The following TMTC4 variants were observed in gnomAD, a reference collection of about 807,000 sequenced individuals.
The protein encoded by TMTC4 is protein O-mannosyl-transferase TMTC4.
TMTC4 carries 65 observed loss-of-function variants against 86.0 expected under a neutral mutation model. The ratio of observed to expected loss-of-function variants is 0.76; its 90% CI spans 0.62 to 0.93. TMTC4 has a LOEUF of 0.93. TMTC4 is among the 40% of genes least tolerant of loss of function. The pLI is 0.00. For synonymous variants in TMTC4, 379 were observed against 382.5 expected, an observed-to-expected ratio of 0.99 and a Z score of 0.11; for missense variants, 866 against 948.1, an observed-to-expected ratio of 0.91 and a Z score of 1.14.
intron 2 of TMTC4, among the ~76,000 whole-genome samples, chr13:100,669,820 T>C (rs1886865353): frequency 6.6e-6 from 1 of 152,150 alleles, no homozygotes; most frequent in Non-Finnish European, 1.5e-5. Flanking sequence ...GTGCTTTCTT[T>C]GGATTTACCA....
chr13:100,626,247 A>T, intron 12 of TMTC4, 97 bp from the exon 13 acceptor site: 2 of 1,315,502 alleles, frequency 1.5e-6, no homozygotes, highest in Non-Finnish European at 2.2e-6. Flanking sequence ...AGGTAAAGCG[A>T]CGAGGAAAAA....
intron 17 of TMTC4, among the ~76,000 whole-genome samples, chr13:100,610,203 A>G (rs1318847584): frequency 2.0e-5 from 3 of 152,200 alleles, no homozygotes; most frequent in African/African-American, 7.2e-5. Flanking sequence ...CCTGCCATCA[A>G]GATAGCTGGG....
chr13:100,613,064 A>G (rs540640383), intron 16 of TMTC4, among the ~76,000 whole-genome samples: 74 of 152,348 alleles, frequency 4.9e-4, no homozygotes, highest in Non-Finnish European at 9.0e-4. Flanking sequence ...GGTACTTAAG[A>G]CAACCATCGC....
At chr13:100,668,941 A>C (rs1379743566) in intron 2 of TMTC4, 147 bp from the exon 3 acceptor site, 1 of 868,476 alleles carries the variant, frequency 1.2e-6, no homozygotes, top group African/African-American at 1.7e-5. Context: ...TGCTTCCCAA[A>C]CTTTAGTGGG....
rs549647476 is a variant in TMTC4, at chr13:100,605,470, G to T, written c.2135-328C>A. Reference sequence around the variant, plus strand: ...TGAAATTTCCAGGAAGCAAGGCTGGGTATGGGAGGTGGGGGTGATGGATGC... The same window carrying T: ...TGAAATTTCCAGGAAGCAAGGCTGGTTATGGGAGGTGGGGGTGATGGATGC... On this transcript the variant is annotated intron_variant, in intron 18 of 18. Transcript: ENST00000342624. The surrounding 1 kb of genome is among the most constrained non-coding windows in gnomAD (Gnocchi z 4.3). 8.5e-5 allele frequency among the ~76,000 whole-genome samples: 13 copies of T among 152,278 alleles called. No individual in the cohort carries two copies. The highest frequency in any genetic ancestry group is 1.8e-4 in the Non-Finnish European group (12 of 68,006).
At chr13:100,648,454 G>A (rs933922100) in intron 6 of TMTC4, among the ~76,000 whole-genome samples, 10 of 151,966 alleles carry the variant, frequency 6.6e-5, no homozygotes, top group African/African-American at 1.4e-4. Context: ...TTTATAACGC[G>A]GCTACTTCAA....
intron 3 of TMTC4, 50 bp downstream of exon 3, chr13:100,668,529 G>T (rs765314499): frequency 6.4e-7 from 1 of 1,557,392 alleles, no homozygotes; most frequent in South Asian, 1.1e-5. Flanking sequence ...GATGATTACT[G>T]AGACACAGTT....
At chr13:100,674,430 G>A (rs1887566767) in intron 1 of TMTC4, 1 of 909,510 alleles carries the variant, frequency 1.1e-6, no homozygotes, top group Non-Finnish European at 1.3e-6. Flanking sequence ...CGGCTGTGCA[G>A]GCAGGGGCTG....
intron 12 of TMTC4, among the ~76,000 whole-genome samples, chr13:100,628,776 TA>T (rs1180850078): frequency 6.6e-6 from 1 of 152,082 alleles, no homozygotes; most frequent in Non-Finnish European, 1.5e-5. Flanking sequence ...GGGCTTAGAA[TA>T]AATGACAAAG....
intron 17 of TMTC4, among the ~76,000 whole-genome samples, chr13:100,611,250 C>T (rs1877521975): frequency 6.6e-6 from 1 of 152,232 alleles, no homozygotes; most frequent in African/African-American, 2.4e-5. Context: ...TAAGGCACTG[C>T]TTCTGTGATA....
intron 6 of TMTC4, among the ~76,000 whole-genome samples, chr13:100,645,078 C>T (rs1230953100): frequency 1.3e-5 from 2 of 152,216 alleles, no homozygotes; most frequent in Non-Finnish European, 2.9e-5. Context: ...TCCCAAAGTG[C>T]TGGGATTACA....
At chr13:100,609,141 G>A (rs1014467835) in intron 17 of TMTC4, among the ~76,000 whole-genome samples, 1 of 152,070 alleles carries the variant, frequency 6.6e-6, no homozygotes, top group Admixed American at 6.6e-5. Flanking sequence ...GATTGCATTG[G>A]GGCTGAAGTC....
chr13:100,643,910 C>T (rs1883363342), intron 6 of TMTC4, among the ~76,000 whole-genome samples: 1 of 152,068 alleles, frequency 6.6e-6, no homozygotes, highest in Non-Finnish European at 1.5e-5. Flanking sequence ...GTAACAAATA[C>T]ACCGTGACTC....
At chr13:100,638,054 G>A (rs760197572) in intron 7 of TMTC4, 32 bp from the exon 8 acceptor site, 3 of 1,574,178 alleles carry the variant, frequency 1.9e-6, no homozygotes, top group Non-Finnish European at 2.6e-6. Flanking sequence ...ATCAGCCACG[G>A]GAGAGCTTGG....
At chr13:100,617,064 TTCA>T (rs1878615728) in intron 15 of TMTC4, among the ~76,000 whole-genome samples, 4 of 152,360 alleles carry the variant, frequency 2.6e-5, no homozygotes, top group South Asian at 2.1e-4. Flanking sequence ...TTTTGAGGAC[TTCA>T]TCATCAATTC....
At chr13:100,674,912 C>T, upstream of TMTC4, 1 of 985,110 alleles carries the variant, frequency 1.0e-6, no homozygotes, top group Non-Finnish European at 1.2e-6. Context: ...CCCCCAGCAC[C>T]AGTCTCGGCC....
At chr13:100,653,821 G>A (rs999966515) in intron 6 of TMTC4, among the ~76,000 whole-genome samples, 1 of 152,174 alleles carries the variant, frequency 6.6e-6, no homozygotes, top group East Asian at 1.9e-4. Flanking sequence ...CAGGGCAGGT[G>A]GACACCATGA....
intron 6 of TMTC4, among the ~76,000 whole-genome samples, chr13:100,652,062 G>A (rs964476828): frequency 3.3e-5 from 5 of 152,218 alleles, no homozygotes; most frequent in African/African-American, 7.2e-5. Context: ...CATGGCTGGA[G>A]GCTGAGACAG....
chr13:100,652,226 C>T (rs944634192), intron 6 of TMTC4, among the ~76,000 whole-genome samples: 1 of 152,118 alleles, frequency 6.6e-6, no homozygotes, highest in Non-Finnish European at 1.5e-5. Context: ...AGCCTGTAAT[C>T]CCAGCACTTT....
Sources: allele counts gnomAD v4.1 joint callset (sites outside exome capture counted in the v4.1 genomes callset), GRCh38; gene constraint gnomAD v4.1.1; non-coding constraint Gnocchi (gnomAD v3.1); transcripts MANE v1.5; gene names NCBI Gene and HGNC (gene_info 2026-07-23, HGNC 2026-07-21).